Variants in ITGA8 observed in about 807,000 individuals in gnomAD.
ITGA8 encodes the protein integrin subunit alpha 8.
In ITGA8, 91 loss-of-function variants were observed where a neutral mutation model predicts 142.3. The observed-to-expected ratio is 0.64, with a 90% CI of 0.54 to 0.76. The LOEUF (loss-of-function observed/expected upper bound fraction) is 0.76, where lower values mean the gene tolerates loss of function less well. Ranked by LOEUF, ITGA8 falls within the 30% of genes least tolerant of loss-of-function variation. ITGA8 has a pLI of 0.00. For missense variants in ITGA8, 1,406 were observed against 1,327.7 expected, an observed-to-expected ratio of 1.06 and a Z score of -0.92; for synonymous variants, 505 against 485.2, an observed-to-expected ratio of 1.04 and a Z score of -0.54.
intron 27 of ITGA8, among the ~76,000 whole-genome samples, chr10:15,534,346 TTTAA>T (rs1833375428): frequency 1.3e-5 from 2 of 152,216 alleles, no homozygotes. Context: ...CACATTGTTG[TTTAA>T]TTTTTAATTT....
At chr10:15,713,434 G>A (rs529030575) in intron 2 of ITGA8, among the ~76,000 whole-genome samples, 1 of 152,124 alleles carries the variant, frequency 6.6e-6, no homozygotes, top group Non-Finnish European at 1.5e-5. Context: ...CCCCACCTTT[G>A]TAATCTTCCA....
intron 13 of ITGA8, among the ~76,000 whole-genome samples, chr10:15,639,211 C>T (rs976623800): frequency 6.6e-6 from 1 of 151,834 alleles, no homozygotes; most frequent in Non-Finnish European, 1.5e-5. Flanking sequence ...CACACAGAGG[C>T]AATGTTGGAG....
chr10:15,592,161 C>A (rs191548116), intron 22 of ITGA8, 64 bp downstream of exon 22: 344 of 1,230,506 alleles, frequency 2.8e-4, no homozygotes, highest in Middle Eastern at 2.1e-3. Flanking sequence ...CAGATGACAT[C>A]ATTTCACTGT....
At chr10:15,539,982 C>T (rs1316868204) in intron 27 of ITGA8, among the ~76,000 whole-genome samples, 3 of 152,166 alleles carry the variant, frequency 2.0e-5, no homozygotes, top group Admixed American at 6.5e-5. Context: ...TGCACATGCT[C>T]TCTTGCCGCC....
chr10:15,617,832 T>C (rs974908622), intron 13 of ITGA8, among the ~76,000 whole-genome samples: 1 of 152,188 alleles, frequency 6.6e-6, no homozygotes. Flanking sequence ...CCAACCTAAG[T>C]GTCCATCAAC....
chr10:15,532,434 A>AAAAAAG (rs1564339144), intron 27 of ITGA8, among the ~76,000 whole-genome samples: 2 of 149,130 alleles, frequency 1.3e-5, no homozygotes, highest in Non-Finnish European at 3.0e-5. Flanking sequence ...AAAAAAAAAA[A>AAAAAAG]AAAAAAAAAA....
intron 11 of ITGA8, 94 bp from the exon 12 acceptor site, chr10:15,647,145 G>C: frequency 2.2e-6 from 2 of 930,232 alleles, no homozygotes; most frequent in Non-Finnish European, 3.4e-6. Flanking sequence ...ATTTCCATTG[G>C]TATTTTTCCT....
chr10:15,644,128 G>A lies in ITGA8; in HGVS notation c.1301C>T (p.Ser434Phe). Reference protein sequence around the residue: ...GNKDGLNTKPSQVLQGVWASH... With the variant: ...GNKDGLNTKPFQVLQGVWASH... The stretch of plus-strand genomic sequence containing the variant: ...GGCCCACACTCCTTGCAGAACTTGG[G>A]AAGGCTTGGTGTTTAAGCCATCTTT... The change falls in exon 13 of 30, where the codon TCC becomes TTC. Residue 434 changes from serine (S) to phenylalanine (F), a missense_variant. By Grantham distance (155) the Ser-to-Phe change is radical. Coordinates refer to ENST00000378076, the MANE Select transcript of ITGA8 (RefSeq NM_003638.3). The A allele has an allele frequency of 6.2e-7, 1 of 1,614,144 alleles. No individual in the cohort carries two copies.
At position 15,663,470 on chromosome 10, in the gene ITGA8, A is replaced by G. The variant is rs923538921; in HGVS notation, c.848-2548T>C. ...TATTTCTGAGATCTGATGGAAAATC[A>G]CTACTGTTTTCTACCATCTTTCCCT... On this transcript the variant is annotated intron_variant, in intron 8 of 29. Transcript: ENST00000378076. Among the ~76,000 whole-genome samples, 226 of 152,012 alleles carry G rather than the reference A, an allele frequency of 1.5e-3. 3 individuals are homozygous for G. Among genetic ancestry groups the G allele is most frequent in the Admixed American group, 0.014 (221 of 15,274 alleles).
chr10:15,663,499 A>G (rs150762799), intron 8 of ITGA8, among the ~76,000 whole-genome samples: 6 of 152,116 alleles, frequency 3.9e-5, no homozygotes, highest in South Asian at 4.1e-4. Context: ...TTTCCCTACA[A>G]TATACTCTTG....
At chr10:15,589,306 A>G (rs746490218) in intron 22 of ITGA8, among the ~76,000 whole-genome samples, 1 of 152,168 alleles carries the variant, frequency 6.6e-6, no homozygotes, top group East Asian at 1.9e-4. Context: ...ATAACACAGT[A>G]TTCATCTCAC....
At chr10:15,585,390 AG>A (rs111334197) in intron 23 of ITGA8, among the ~76,000 whole-genome samples, 93 of 152,328 alleles carry the variant, frequency 6.1e-4, no homozygotes, top group African/African-American at 2.1e-3. Flanking sequence ...AGCACCCAGA[AG>A]GGAACAGTGT....
chr10:15,669,667 A>T (rs1834470956), intron 8 of ITGA8, among the ~76,000 whole-genome samples: 1 of 151,814 alleles, frequency 6.6e-6, no homozygotes, highest in African/African-American at 2.4e-5. Flanking sequence ...GTCTTTGATG[A>T]TGGTGACGTA....
intron 20 of ITGA8, among the ~76,000 whole-genome samples, chr10:15,601,310 C>G (rs1039895580): frequency 1.3e-5 from 2 of 152,096 alleles, no homozygotes; most frequent in African/African-American, 4.8e-5. Context: ...TGGATACAGA[C>G]ATGCTGAAGG....
intron 8 of ITGA8, among the ~76,000 whole-genome samples, chr10:15,667,964 G>A (rs1481471477): frequency 1.4e-3 from 170 of 124,346 alleles, no homozygotes; most frequent in Middle Eastern, 4.8e-3. Context: ...TGGAGTAGGT[G>A]TGGTGTGGTG....
chr10:15,693,800 C>T (rs955505443), intron 2 of ITGA8, among the ~76,000 whole-genome samples: 6 of 152,182 alleles, frequency 3.9e-5, no homozygotes, highest in African/African-American at 9.6e-5. Flanking sequence ...GATAAGTGAT[C>T]GTGAAAGTTC....
chr10:15,671,029 A>G (rs1443540303), intron 8 of ITGA8, among the ~76,000 whole-genome samples: 2 of 152,176 alleles, frequency 1.3e-5, no homozygotes, highest in African/African-American at 4.8e-5. Context: ...TTATCCTAGC[A>G]CTTATCATAA....
At chr10:15,700,369 A>G (rs953558136) in intron 2 of ITGA8, among the ~76,000 whole-genome samples, 1 of 151,936 alleles carries the variant, frequency 6.6e-6, no homozygotes, top group African/African-American at 2.4e-5. Flanking sequence ...AGACACACCA[A>G]CTTCCTGTCC....
chr10:15,548,685 A>T (rs147848409), intron 26 of ITGA8, 117 bp from the exon 27 acceptor site: 21 of 604,888 alleles, frequency 3.5e-5, no homozygotes, highest in African/African-American at 3.1e-4. Context: ...ATAAATTATT[A>T]ATGTAAATAA....
Sources: gnomAD v4.1 joint callset for allele counts (sites outside exome capture counted in the v4.1 genomes callset) on GRCh38, gnomAD v4.1.1 for gene constraint, MANE v1.5 for transcripts, NCBI Gene and HGNC (gene_info 2026-07-23, HGNC 2026-07-21) for gene names.